FRAS1: variants seen among roughly 807,000 people sequenced by gnomAD.
FRAS1 encodes the protein Fraser extracellular matrix complex subunit 1.
In FRAS1, 290 loss-of-function variants were observed where a neutral mutation model predicts 435.2. The ratio of observed to expected loss-of-function variants is 0.67; its 90% confidence interval spans 0.61 to 0.73. FRAS1 has a LOEUF of 0.73. FRAS1 is among the 30% of genes least tolerant of loss of function. The probability of loss-of-function intolerance (pLI) is 0.00; values close to 1 mark genes in which losing one functional copy is unlikely to be tolerated. For missense variants in FRAS1, 4,860 were observed against 5,001.5 expected (o/e 0.97, Z 0.85); for synonymous variants, 1,800 against 1,851.0 (o/e 0.97, Z 0.71).
At chr4:78,205,441 G>T (rs1169145564) in intron 2 of FRAS1, among the ~76,000 whole-genome samples, 1 of 152,084 alleles carries the variant, frequency 6.6e-6, no homozygotes, top group Non-Finnish European at 1.5e-5. Flanking sequence ...TGATCCACCT[G>T]CCTTGACCTC....
intron 35 of FRAS1, 133 bp from the exon 36 acceptor site, chr4:78,428,961 CA>C (rs1734102879): frequency 1.3e-6 from 1 of 797,866 alleles, no homozygotes; most frequent in African/African-American, 1.7e-5. Context: ...TAAAGTAGTG[CA>C]AAAAAGTTTC....
At chr4:78,096,469 A>T (rs186947019) in intron 2 of FRAS1, among the ~76,000 whole-genome samples, 52 of 151,898 alleles carry the variant, frequency 3.4e-4, no homozygotes, top group Non-Finnish European at 6.0e-4. Context: ...CTTCCACACT[A>T]CCCTAGCAGA....
In FRAS1 at chr4:78,308,144, T is replaced by C; in HGVS notation, c.1613T>C (p.Leu538Pro). The stretch of plus-strand genomic sequence containing the variant: ...GCCTGCAGAGATCCCCTCCACGTGC[T>C]GAGAGATGGCGGCTGTGAGAGCAGC... ...CLACRDPLHV[L>P]RDGGCESSCG... The change falls in exon 15 of 74, where the codon CTG (leucine) becomes CCG (proline). Residue 538 changes from leucine (L) to proline (P), a missense_variant. Transcript: ENST00000512123. 6.2e-7 allele frequency: 1 copy of C among 1,613,930 alleles called. No individual in the cohort carries two copies. The highest frequency in any genetic ancestry group is 8.5e-7 in the Non-Finnish European group (1 of 1,179,866).
chr4:78,268,138 C>T (rs1726464032), intron 9 of FRAS1, among the ~76,000 whole-genome samples: 2 of 152,144 alleles, frequency 1.3e-5, no homozygotes, highest in Non-Finnish European at 2.9e-5. Flanking sequence ...TCTCACTGCT[C>T]CCTTCCGCCC....
chr4:78,193,923 C>T (rs888715437), intron 2 of FRAS1, among the ~76,000 whole-genome samples: 4 of 152,186 alleles, frequency 2.6e-5, no homozygotes, highest in Admixed American at 6.5e-5. Context: ...TTGTTCCTTT[C>T]CATGTTTAGC....
At chr4:78,144,166 CA>C (rs1007679969) in intron 2 of FRAS1, among the ~76,000 whole-genome samples, 37 of 149,764 alleles carry the variant, frequency 2.5e-4, no homozygotes, top group African/African-American at 6.6e-4. Context: ...AAAATAAAGA[CA>C]AAAAAACTCA....
chr4:78,134,276 A>G (rs543181971), intron 2 of FRAS1, among the ~76,000 whole-genome samples: 3 of 152,206 alleles, frequency 2.0e-5, no homozygotes, highest in African/African-American at 7.2e-5. Flanking sequence ...CTTCTTCTGC[A>G]TCTCTTTAAA....
At chr4:78,481,377 C>G (rs931498389) in intron 56 of FRAS1, among the ~76,000 whole-genome samples, 3 of 152,230 alleles carry the variant, frequency 2.0e-5, no homozygotes, top group African/African-American at 7.2e-5. Flanking sequence ...AGTCCCCTAG[C>G]TGGGTCCTCC....
At chr4:78,097,671 G>A (rs1024823782) in intron 2 of FRAS1, among the ~76,000 whole-genome samples, 9 of 152,060 alleles carry the variant, frequency 5.9e-5, no homozygotes, top group African/African-American at 2.2e-4. Context: ...TCATAGAACA[G>A]CATGGAAAGA....
intron 42 of FRAS1, chr4:78,446,328 A>G: frequency 1.9e-6 from 2 of 1,026,910 alleles, no homozygotes; most frequent in Non-Finnish European, 2.3e-6. Context: ...ACTTTCAAAT[A>G]TAGTGTCCTT....
chr4:78,304,578 C>T (rs1728603963), intron 14 of FRAS1, among the ~76,000 whole-genome samples: 1 of 151,872 alleles, frequency 6.6e-6, no homozygotes, highest in African/African-American at 2.4e-5. Flanking sequence ...TCAACTTCTT[C>T]CTGGTTTAGT....
At chr4:78,318,253 A>G (rs1040519860) in intron 17 of FRAS1, among the ~76,000 whole-genome samples, 1 of 152,198 alleles carries the variant, frequency 6.6e-6, no homozygotes, top group African/African-American at 2.4e-5. Context: ...TAGTTTGACT[A>G]CCTTATTTGG....
At chr4:78,446,151 C>T (rs1177912825) in intron 42 of FRAS1, 1 of 1,009,944 alleles carries the variant, frequency 9.9e-7, no homozygotes, top group African/African-American at 1.7e-5. Context: ...AGCAACTACA[C>T]AGGCTTGCTC....
chr4:78,108,589 C>T (rs1269034347), intron 2 of FRAS1, among the ~76,000 whole-genome samples: 2 of 98,602 alleles, frequency 2.0e-5, no homozygotes, highest in Non-Finnish European at 4.0e-5. Context: ...CTCTGGGACA[C>T]ATTCAAAGCA....
At chr4:78,163,953 G>A (rs747785715) in intron 2 of FRAS1, among the ~76,000 whole-genome samples, 3 of 152,142 alleles carry the variant, frequency 2.0e-5, no homozygotes, top group Non-Finnish European at 4.4e-5. Flanking sequence ...TGCTCTGCTT[G>A]TCCAACCTCC....
Position 78,456,633 on chromosome 4 carries a change from G to A in FRAS1, c.6763+4279G>A, listed in dbSNP as rs138241558. 3.4e-3 allele frequency among the ~76,000 whole-genome samples: 513 copies of A among 152,288 alleles called. 1 individual carries two copies. The highest frequency in any genetic ancestry group is 6.1e-3 in the Non-Finnish European group (418 of 68,026). On this transcript the variant is annotated intron_variant, in intron 47 of 73. Coordinates refer to ENST00000512123, the MANE Select transcript of FRAS1 (RefSeq NM_025074.7). ...AACACTGGTTTTCAAGGGATAGGGC[G>A]TTTGGTTGTCACCCTTAGGGTACAA... is the stretch of plus-strand genomic sequence containing the variant.
chr4:78,354,264 G>C (rs990074333), intron 20 of FRAS1, among the ~76,000 whole-genome samples: 18 of 152,126 alleles, frequency 1.2e-4, no homozygotes, highest in African/African-American at 3.6e-4. Context: ...TAACATGAAG[G>C]TCATTCTGTT....
chr4:78,102,475 T>A (rs925384232), intron 2 of FRAS1, among the ~76,000 whole-genome samples: 1 of 152,192 alleles, frequency 6.6e-6, no homozygotes, highest in African/African-American at 2.4e-5. Context: ...TTGGCTGTGA[T>A]CATTATCACA....
intron 17 of FRAS1, 21 bp from the exon 18 acceptor site, chr4:78,318,789 G>T (rs371605835): frequency 6.5e-7 from 1 of 1,533,362 alleles, no homozygotes; most frequent in African/African-American, 1.4e-5. Context: ...ATTATTTTCT[G>T]CATTTTATTT....
Sources: allele counts gnomAD v4.1 joint callset (sites outside exome capture counted in the v4.1 genomes callset), GRCh38; gene constraint gnomAD v4.1.1; transcripts MANE v1.5; gene names NCBI Gene and HGNC (gene_info 2026-07-23, HGNC 2026-07-21).